The following SLCO3A1 variants were observed in gnomAD, a reference collection of about 807,000 sequenced individuals.
SLCO3A1 encodes the protein solute carrier organic anion transporter family member 3A1.
SLCO3A1 carries 27 observed loss-of-function variants against 63.1 expected under a neutral mutation model. The observed-to-expected ratio is 0.43, with a 90% CI of 0.32 to 0.59. The LOEUF is 0.59. Among genes scored for constraint, SLCO3A1 ranks in the 20% least tolerant of loss-of-function variants. SLCO3A1 has a pLI of 0.09. For missense variants in SLCO3A1, 773 were observed against 945.8 expected, an observed-to-expected ratio of 0.82 and a Z score of 2.40; for synonymous variants, 473 against 409.9, an observed-to-expected ratio of 1.15 and a Z score of -1.86.
intron 2 of SLCO3A1, among the ~76,000 whole-genome samples, chr15:92,051,727 G>A (rs1168599082): frequency 6.6e-6 from 1 of 152,116 alleles, no homozygotes; most frequent in Non-Finnish European, 1.5e-5. Context: ...TGAGAGATGA[G>A]AAATGGCAGA....
intron 2 of SLCO3A1, among the ~76,000 whole-genome samples, chr15:92,070,579 G>C (rs1325672102): frequency 6.6e-6 from 1 of 152,090 alleles, no homozygotes; most frequent in Non-Finnish European, 1.5e-5. Context: ...AGGAGGTGGA[G>C]GTTGCAGTGA....
intron 7 of SLCO3A1, among the ~76,000 whole-genome samples, chr15:92,130,689 C>T (rs143049713): frequency 3.9e-5 from 6 of 152,224 alleles, no homozygotes; most frequent in Non-Finnish European, 8.8e-5. Flanking sequence ...GTGTGTCACT[C>T]GTGACCCATG....
intron 2 of SLCO3A1, among the ~76,000 whole-genome samples, chr15:91,947,185 C>T (rs1214152667): frequency 3.3e-5 from 5 of 152,184 alleles, no homozygotes; most frequent in Admixed American, 6.5e-5. Context: ...CCATGCTTGC[C>T]CCTTCTGGGA....
chr15:92,019,490 G>A (rs12905261), intron 2 of SLCO3A1, among the ~76,000 whole-genome samples: 30,572 of 152,174 alleles, frequency 0.2, 3,310 homozygotes, highest in African/African-American at 0.24. Flanking sequence ...CCATGGCCAA[G>A]CCCTGCCCTA....
intron 2 of SLCO3A1, among the ~76,000 whole-genome samples, chr15:91,928,659 A>G (rs1899117516): frequency 6.6e-6 from 1 of 152,224 alleles, no homozygotes; most frequent in African/African-American, 2.4e-5. Context: ...TTTTAGCTGT[A>G]AAGTATGAAA....
chr15:91,980,368 CCA>C (rs2045969441), intron 2 of SLCO3A1, among the ~76,000 whole-genome samples: 1 of 151,640 alleles, frequency 6.6e-6, no homozygotes, highest in African/African-American at 2.4e-5. Context: ...ATCTTGGACC[CCA>C]GTTTTGAAGA....
chr15:91,936,692 A>G (rs934616628), intron 2 of SLCO3A1, among the ~76,000 whole-genome samples: 4 of 152,220 alleles, frequency 2.6e-5, no homozygotes, highest in African/African-American at 9.6e-5. Flanking sequence ...AGATACATAG[A>G]GGAGTAGGAG....
intron 9 of SLCO3A1, among the ~76,000 whole-genome samples, chr15:92,153,329 T>C (rs1360205073): frequency 6.6e-6 from 1 of 152,258 alleles, no homozygotes; most frequent in East Asian, 1.9e-4. Flanking sequence ...TTACATGCTT[T>C]TAAAAAAGTT....
At chr15:91,999,385 G>A (rs921938397) in intron 2 of SLCO3A1, among the ~76,000 whole-genome samples, 1 of 152,208 alleles carries the variant, frequency 6.6e-6, no homozygotes, top group Admixed American at 6.5e-5. Flanking sequence ...GAATATTTAA[G>A]AATTCCTAAA....
intron 9 of SLCO3A1, among the ~76,000 whole-genome samples, chr15:92,154,195 CTGCATTA>C (rs903789191): frequency 2.0e-5 from 3 of 152,164 alleles, no homozygotes; most frequent in African/African-American, 7.2e-5. Context: ...AAGGAGGAAT[CTGCATTA>C]TGCATTATTC....
intron 3 of SLCO3A1, among the ~76,000 whole-genome samples, chr15:92,100,017 G>C (rs1429753902): frequency 6.6e-6 from 1 of 150,458 alleles, no homozygotes; most frequent in African/African-American, 2.5e-5. Flanking sequence ...AGTGAGCTGA[G>C]ATCTCACCAC....
At chr15:92,141,711 G>A (rs1332259705) in intron 7 of SLCO3A1, among the ~76,000 whole-genome samples, 2 of 152,186 alleles carry the variant, frequency 1.3e-5, no homozygotes, top group Admixed American at 6.5e-5. Flanking sequence ...AACTACCTAA[G>A]TCCTCATCTG....
At chr15:92,016,254 T>TAGATAGATAGATTGATTAGATAGA in intron 2 of SLCO3A1, among the ~76,000 whole-genome samples, 100 of 95,704 alleles carry the variant, frequency 1.0e-3, no homozygotes, top group Admixed American at 1.7e-3. Flanking sequence ...GATAGATAGA[T>TAGATAGATAGATTGATTAGATAGA]TAGATAGATA....
At chr15:92,063,632 G>C (rs1347129387) in intron 2 of SLCO3A1, among the ~76,000 whole-genome samples, 1 of 152,152 alleles carries the variant, frequency 6.6e-6, no homozygotes, top group Non-Finnish European at 1.5e-5. Context: ...GGCTGACGTG[G>C]ATGGATCAGG....
chr15:92,160,171 G>T (rs2048419226), intron 9 of SLCO3A1, among the ~76,000 whole-genome samples: 1 of 152,066 alleles, frequency 6.6e-6, no homozygotes, highest in East Asian at 1.9e-4. Flanking sequence ...ACAATATAAT[G>T]ATTATGCCCC....
intron 1 of SLCO3A1, among the ~76,000 whole-genome samples, chr15:91,891,086 G>A (rs1275727407): frequency 6.6e-6 from 1 of 151,498 alleles, no homozygotes; most frequent in Admixed American, 6.6e-5. Flanking sequence ...CCAGTGAGTT[G>A]GTAAAGCCAG....
chr15:91,879,771 C>T (rs1044097835), intron 1 of SLCO3A1, among the ~76,000 whole-genome samples: 1 of 152,154 alleles, frequency 6.6e-6, no homozygotes. Flanking sequence ...TGTCATGGGA[C>T]AGGTTTTTGG....
chr15:92,150,543 C>T (rs2048290972), intron 8 of SLCO3A1, among the ~76,000 whole-genome samples: 1 of 152,086 alleles, frequency 6.6e-6, no homozygotes, highest in Admixed American at 6.5e-5. Context: ...ATGGTTTCAG[C>T]TTGTTTGTGA....
At position 91,865,986 on chromosome 15, in the gene SLCO3A1, T is replaced by C. The variant is rs1897155260; in HGVS notation, c.180+11898T>C. Among the ~76,000 whole-genome samples the C allele has an allele frequency of 6.6e-6, 1 of 151,952 alleles. No individual in the cohort carries two copies. The highest frequency in any genetic ancestry group is 6.6e-5 in the Admixed American group (1 of 15,266). The stretch of plus-strand genomic sequence containing the variant: ...GGATTGTTGGATATTCGTAAGAGAG[T>C]CGTTCATACCCAAAGATATCATTTC... On this transcript the variant is annotated intron_variant, in intron 1 of 9. Transcript: ENST00000318445. The surrounding 1 kb of genome is among the most constrained non-coding windows in gnomAD (Gnocchi z 4.6).
Sources: gnomAD v4.1 joint callset for allele counts (sites outside exome capture counted in the v4.1 genomes callset) on GRCh38, gnomAD v4.1.1 for gene constraint, Gnocchi (gnomAD v3.1) non-coding constraint, MANE v1.5 for transcripts, NCBI Gene and HGNC (gene_info 2026-07-23, HGNC 2026-07-21) for gene names.